TBC1D8: variants seen among roughly 807,000 people sequenced by gnomAD.
The protein encoded by TBC1D8 is TBC1 domain family member 8, also known as BUB2-like protein 1.
TBC1D8 carries 65 observed loss-of-function variants against 118.8 expected under a neutral mutation model. The observed-to-expected ratio is 0.55, with a 90% CI of 0.45 to 0.67. The LOEUF (loss-of-function observed/expected upper bound fraction) is 0.67. Among genes scored for constraint, TBC1D8 ranks in the 30% least tolerant of loss-of-function variants. The pLI is 0.00. For missense variants in TBC1D8, 1,376 were observed against 1,471.2 expected, an observed-to-expected ratio of 0.94 and a Z score of 1.06; for synonymous variants, 566 against 595.8, an observed-to-expected ratio of 0.95 and a Z score of 0.73.
intron 2 of TBC1D8, among the ~76,000 whole-genome samples, chr2:101,067,210 A>G (rs1232581113): frequency 6.6e-6 from 1 of 152,212 alleles, no homozygotes; most frequent in Non-Finnish European, 1.5e-5. Context: ...CTATTAAAAT[A>G]ATGAATCCTC....
At position 101,151,115 on chromosome 2, in the gene TBC1D8, C is replaced by T. The variant is rs1377708353; in HGVS notation, c.127+12G>A. Reference sequence around the variant, plus strand: ...GGCCCGGCCGCCGCGCCCGCCCCGGCGAGCCCCTTACCGGTGAGGCGGCCG... The same window carrying T: ...GGCCCGGCCGCCGCGCCCGCCCCGGTGAGCCCCTTACCGGTGAGGCGGCCG... On this transcript the variant is annotated intron_variant, in intron 1 of 19. Transcript: ENST00000409318. The T allele has an allele frequency of 2.8e-6, 3 of 1,061,458 alleles. No individual in the cohort carries two copies. Among genetic ancestry groups the T allele is most frequent in the Non-Finnish European group, 3.5e-6 (3 of 869,540 alleles). The allele number at this position is 1,061,458 out of a possible 1,614,324, so 65.8% of individuals were successfully genotyped here. A position where few individuals can be genotyped will look rare whatever the true frequency, so the allele number is the denominator to read the frequency against.
chr2:101,114,759 G>T (rs987028909), intron 1 of TBC1D8, among the ~76,000 whole-genome samples: 3 of 152,334 alleles, frequency 2.0e-5, no homozygotes, highest in South Asian at 4.1e-4. Context: ...GGTACTAAAA[G>T]TGTACTCTCA....
At chr2:101,035,045 G>A (rs1054792241) in intron 9 of TBC1D8, among the ~76,000 whole-genome samples, 2 of 152,124 alleles carry the variant, frequency 1.3e-5, no homozygotes, top group Non-Finnish European at 2.9e-5. Flanking sequence ...AGAGGAAAGT[G>A]AGGGACAAAG....
intron 3 of TBC1D8, among the ~76,000 whole-genome samples, chr2:101,056,671 C>T (rs1682455100): frequency 6.6e-6 from 1 of 152,106 alleles, no homozygotes. Flanking sequence ...ATAATGAGTG[C>T]TGAGCTCTCC....
chr2:101,015,496 A>G (rs1249141431), intron 17 of TBC1D8, among the ~76,000 whole-genome samples: 1 of 152,240 alleles, frequency 6.6e-6, no homozygotes, highest in Non-Finnish European at 1.5e-5. Flanking sequence ...CTCTTTTGTA[A>G]TAACACTTGC....
At position 101,037,679 on chromosome 2, in the gene TBC1D8, C is replaced by T. The variant is rs1208497671; in HGVS notation, c.1305G>A (p.Met435Ile). 6 of 1,613,760 alleles carry T rather than the reference C, an allele frequency of 3.7e-6. No individual in the cohort carries two copies. Among genetic ancestry groups the T allele is most frequent in the Non-Finnish European group, 5.1e-6 (6 of 1,179,904 alleles). The change falls in exon 8 of 20, where the codon ATG becomes ATA. Residue 435 changes from methionine to isoleucine, a missense_variant. Physicochemically the swap from Met to Ile is conservative, Grantham distance 10. Coordinates refer to ENST00000409318, the MANE Select transcript of TBC1D8 (RefSeq NM_001330348.2). ...MASLVFHSTS[M>I]CSDHRFGDLE... The stretch of plus-strand genomic sequence containing the variant: ...GATCCCCAAATCTGTGGTCACTGCA[C>T]ATGCTTGTTGAATGAAACACGAGTG...
At chr2:101,083,741 C>T (rs1291566415) in intron 2 of TBC1D8, among the ~76,000 whole-genome samples, 2 of 152,194 alleles carry the variant, frequency 1.3e-5, no homozygotes, top group African/African-American at 4.8e-5. Context: ...TTCCTGTTCC[C>T]ACCTTGTCCT....
chr2:101,102,782 C>T (rs968141003), intron 1 of TBC1D8, among the ~76,000 whole-genome samples: 1 of 152,040 alleles, frequency 6.6e-6, no homozygotes, highest in Non-Finnish European at 1.5e-5. Context: ...ATGGCTCACA[C>T]CTGTAATCCC....
intron 9 of TBC1D8, among the ~76,000 whole-genome samples, chr2:101,033,975 C>G (rs1441485130): frequency 1.3e-5 from 2 of 151,990 alleles, no homozygotes; most frequent in African/African-American, 4.8e-5. Flanking sequence ...ACCAGCCTGG[C>G]CAAAATGGTG....
chr2:101,151,242 C>T lies in TBC1D8; in HGVS notation c.12G>A (p.Lys4=). The change falls in exon 1 of 20, where the codon AAG becomes AAA. Residue 4 remains lysine, a synonymous_variant. Transcript: ENST00000409318. ...CGTTCTTCAGCAGCACCTCCTCGGG[C>T]TTGAGCCACATCGCGGCGGTCCGGC... is the stretch of plus-strand genomic sequence containing the variant. The part of the protein sequence containing the change: MWL[K]PEEVLLKNAL... 5 of 1,200,312 alleles carry T rather than the reference C, an allele frequency of 4.2e-6. No homozygotes were observed. The highest frequency in any genetic ancestry group is 4.2e-6 in the Non-Finnish European group (4 of 946,130). The allele number at this position is 1,200,312 out of a possible 1,614,324, so 74.4% of individuals were successfully genotyped here. A position where few individuals can be genotyped will look rare whatever the true frequency, so the allele number is the denominator to read the frequency against.
intron 17 of TBC1D8, chr2:101,017,710 C>A (rs1679758187): frequency 1.3e-6 from 1 of 781,668 alleles, no homozygotes; most frequent in Non-Finnish European, 2.1e-6. Flanking sequence ...TAACAGATAT[C>A]CATGGTACAT....
chr2:101,083,372 G>A (rs1362704361), intron 2 of TBC1D8, among the ~76,000 whole-genome samples: 1 of 152,156 alleles, frequency 6.6e-6, no homozygotes, highest in African/African-American at 2.4e-5. Context: ...CAGGGAGTCA[G>A]GGAGGTGACA....
intron 1 of TBC1D8, among the ~76,000 whole-genome samples, chr2:101,132,329 GTCA>G (rs1318698730): frequency 6.6e-6 from 1 of 152,286 alleles, no homozygotes; most frequent in East Asian, 1.9e-4. Flanking sequence ...CAAAAGAGCA[GTCA>G]TCAACTCCAG....
intron 2 of TBC1D8, among the ~76,000 whole-genome samples, chr2:101,061,819 G>C (rs771370192): frequency 1.4e-4 from 22 of 152,152 alleles, no homozygotes; most frequent in Non-Finnish European, 2.9e-4. Flanking sequence ...GTGTCACAAA[G>C]CCCCTGGCCC....
At chr2:101,137,924 C>T (rs949678317) in intron 1 of TBC1D8, among the ~76,000 whole-genome samples, 5 of 152,136 alleles carry the variant, frequency 3.3e-5, no homozygotes, top group African/African-American at 4.8e-5. Flanking sequence ...AAGAAATACC[C>T]GCGACTGGGT....
intron 5 of TBC1D8, among the ~76,000 whole-genome samples, chr2:101,048,222 T>A (rs1463245241): frequency 6.6e-6 from 1 of 152,324 alleles, no homozygotes; most frequent in Admixed American, 6.5e-5. Flanking sequence ...TTTTAAGATA[T>A]CTTTGTAAGC....
At chr2:101,059,187 G>A (rs1031650460) in intron 3 of TBC1D8, among the ~76,000 whole-genome samples, 5 of 150,426 alleles carry the variant, frequency 3.3e-5, no homozygotes, top group African/African-American at 9.8e-5. Context: ...GATTACAGGC[G>A]TGAGCCACCG....
chr2:101,108,150 T>A (rs1351318068), intron 1 of TBC1D8, among the ~76,000 whole-genome samples: 1 of 152,122 alleles, frequency 6.6e-6, no homozygotes, highest in Non-Finnish European at 1.5e-5. Context: ...AATGGCACTT[T>A]ATCCCTGTGG....
At chr2:101,111,503 G>C (rs1169481509) in intron 1 of TBC1D8, among the ~76,000 whole-genome samples, 2 of 152,216 alleles carry the variant, frequency 1.3e-5, no homozygotes, top group Non-Finnish European at 2.9e-5. Context: ...CAAGGGCATT[G>C]CAAGGGAGGG....
Sources: gnomAD v4.1 joint callset for allele counts (sites outside exome capture counted in the v4.1 genomes callset) on GRCh38, gnomAD v4.1.1 for gene constraint, MANE v1.5 for transcripts, NCBI Gene and HGNC (gene_info 2026-07-23, HGNC 2026-07-21) for gene names.